NOL4: variants seen among roughly 807,000 people sequenced by gnomAD.
NOL4 encodes the protein cancer/testis antigen 125.
Under a neutral mutation model 75.9 loss-of-function variants are expected in NOL4, and 17 were observed. The ratio of observed to expected loss-of-function variants is 0.22; its 90% CI spans 0.15 to 0.34. The LOEUF (loss-of-function observed/expected upper bound fraction) is 0.34. Among genes scored for constraint, NOL4 ranks in the 10% least tolerant of loss-of-function variants. The pLI is 1.00. For missense variants in NOL4, 614 were observed against 793.5 expected (o/e 0.77, Z 2.72); for synonymous variants, 292 against 289.9 (o/e 1.01, Z -0.07).
intron 9 of NOL4, among the ~76,000 whole-genome samples, chr18:33,923,339 C>G (rs542730601): frequency 1.3e-5 from 2 of 151,818 alleles, no homozygotes; most frequent in Non-Finnish European, 2.9e-5. Flanking sequence ...GTGTTTTAAG[C>G]AGAATTATCA....
In NOL4 at chr18:33,851,601, A is replaced by G. The variant is rs1467537232; in HGVS notation, c.*1241T>C. The G allele has an allele frequency of 6.6e-6, 1 of 152,468 alleles. No individual in the cohort carries two copies. Among genetic ancestry groups the G allele is most frequent in the African/African-American group, 2.4e-5 (1 of 41,458 alleles). 9.4% of individuals were successfully genotyped at this position (152,468 alleles called of 1,614,324 possible). ...GAAAAAAGTTGTATAAGAAGCATGA[A>G]CTAAAGTACTTCTCCCTAAATATTT... On this transcript the variant is annotated 3_prime_UTR_variant, in exon 11 of 11. Coordinates refer to ENST00000261592, the MANE Select transcript of NOL4 (RefSeq NM_003787.5).
chr18:34,007,883 T>C (rs181741013), intron 6 of NOL4, among the ~76,000 whole-genome samples: 147 of 152,028 alleles, frequency 9.7e-4, no homozygotes, highest in African/African-American at 3.1e-3. Context: ...GGGTGCCGAG[T>C]TAATAAGTGG....
At chr18:34,019,249 T>C in intron 6 of NOL4, 69 bp downstream of exon 6, 1 of 1,271,686 alleles carries the variant, frequency 7.9e-7, no homozygotes, top group Non-Finnish European at 1.1e-6. Flanking sequence ...TTATCTGCTA[T>C]ATGCATAGGT....
At chr18:34,071,946 A>G (rs1342075813) in intron 5 of NOL4, among the ~76,000 whole-genome samples, 1 of 152,168 alleles carries the variant, frequency 6.6e-6, no homozygotes, top group African/African-American at 2.4e-5. Context: ...AGATAAAATG[A>G]AAGGGGCCAG....
rs553313348 is a variant in NOL4 at position 33,952,714 on chromosome 18, C to T, written c.1428+4612G>A. Among the ~76,000 whole-genome samples the T allele has an allele frequency of 4.5e-4, 68 of 152,316 alleles. 1 individual carries two copies. In the South Asian group the frequency reaches 9.7e-3, roughly 22 times the overall value. On this transcript the variant is annotated intron_variant, in intron 8 of 10. Transcript: ENST00000261592. ...CCAAGGCGGGTGGATCACCTGAGAT[C>T]GGGAGTTCAAGACCAGCCTGACCAA... is the stretch of plus-strand genomic sequence containing the variant.
intron 5 of NOL4, among the ~76,000 whole-genome samples, chr18:34,024,188 A>ATATATATATAT (rs1333196318): frequency 3.1e-5 from 2 of 64,586 alleles, no homozygotes; most frequent in Non-Finnish European, 7.1e-5. Flanking sequence ...CAGGAAAAAA[A>ATATATATATAT]AAAAAAATAT....
intron 1 of NOL4, among the ~76,000 whole-genome samples, chr18:34,194,655 TA>T (rs1183475819): frequency 6.6e-6 from 1 of 152,156 alleles, no homozygotes; most frequent in Non-Finnish European, 1.5e-5. Context: ...CAAGAGCTAT[TA>T]TGTTAGCTCT....
chr18:34,196,513 T>G (rs982969685), intron 1 of NOL4, among the ~76,000 whole-genome samples: 1 of 152,158 alleles, frequency 6.6e-6, no homozygotes, highest in Non-Finnish European at 1.5e-5. Flanking sequence ...GAAGTTGACA[T>G]TACTGAGCTA....
intron 1 of NOL4, among the ~76,000 whole-genome samples, chr18:34,174,115 A>G (rs1299441484): frequency 6.6e-6 from 1 of 152,206 alleles, no homozygotes; most frequent in African/African-American, 2.4e-5. Context: ...ATGACTGGCA[A>G]ACTGTCTTAC....
chr18:34,075,505 T>C (rs555861881), intron 5 of NOL4, among the ~76,000 whole-genome samples: 135 of 152,294 alleles, frequency 8.9e-4, no homozygotes, highest in Non-Finnish European at 1.7e-3. Flanking sequence ...TTTGGAATTT[T>C]CCACTTGTGG....
In NOL4 at chr18:34,221,430, T is replaced by C. The variant is rs2037292195; in HGVS notation, c.264+1560A>G. 3.9e-5 allele frequency: 6 copies of C among 152,330 alleles called. No individual in the cohort carries two copies. The South Asian group carries it at 1.0e-3, about 26-fold the overall frequency. The allele number at this position is 152,330 out of a possible 1,614,324, so 9.4% of individuals were successfully genotyped here. A position where few individuals can be genotyped will look rare whatever the true frequency, so the allele number is the denominator to read the frequency against. ...AGCACTTCATTCTGTATATCAGATT[T>C]CTGGCTCATCCAGATGTAAATAAAC... On this transcript the variant is annotated intron_variant, in intron 1 of 10. Transcript: ENST00000261592.
chr18:34,163,782 A>C (rs992713977), intron 1 of NOL4, among the ~76,000 whole-genome samples: 3 of 152,168 alleles, frequency 2.0e-5, no homozygotes, highest in African/African-American at 4.8e-5. Flanking sequence ...CGCATCGCCA[A>C]GTCAATCCTA....
chr18:33,872,930 G>A (rs1340710330), intron 10 of NOL4, among the ~76,000 whole-genome samples: 1 of 151,926 alleles, frequency 6.6e-6, no homozygotes, highest in Non-Finnish European at 1.5e-5. Context: ...CTGCACACTG[G>A]CAGAAAAAAT....
At chr18:33,972,255 A>G (rs2071126480) in intron 6 of NOL4, among the ~76,000 whole-genome samples, 1 of 152,126 alleles carries the variant, frequency 6.6e-6, no homozygotes, top group African/African-American at 2.4e-5. Context: ...GTAAATGTAT[A>G]AAAATGCCTG....
intron 5 of NOL4, among the ~76,000 whole-genome samples, chr18:34,034,842 GA>G (rs1156820871): frequency 2.0e-5 from 3 of 148,166 alleles, no homozygotes; most frequent in East Asian, 2.0e-4. Flanking sequence ...CACTAAAATG[GA>G]AAAAAAAAGG....
intron 5 of NOL4, chr18:34,048,454 T>C: frequency 1.0e-6 from 1 of 985,402 alleles, no homozygotes; most frequent in Non-Finnish European, 1.2e-6. Flanking sequence ...ATTCTGCTCT[T>C]CAACTTAAAT....
At chr18:34,023,620 G>A (rs1410850078) in intron 5 of NOL4, 1 of 323,378 alleles carries the variant, frequency 3.1e-6, no homozygotes, top group Non-Finnish European at 6.6e-6. Flanking sequence ...AACAGCACCT[G>A]GAGCTTTGGA....
chr18:33,969,758 C>A (rs201212680), intron 6 of NOL4, among the ~76,000 whole-genome samples: 55 of 140,894 alleles, frequency 3.9e-4, no homozygotes, highest in East Asian at 6.5e-4. Flanking sequence ...AGTGCTTGTC[C>A]AAAAAAAAAA....
intron 1 of NOL4, among the ~76,000 whole-genome samples, chr18:34,205,285 A>G (rs2036043397): frequency 6.6e-6 from 1 of 152,136 alleles, no homozygotes; most frequent in Non-Finnish European, 1.5e-5. Context: ...CAATTCTCTC[A>G]GTAGATAAAG....
Sources: gnomAD v4.1 joint callset for allele counts (sites outside exome capture counted in the v4.1 genomes callset) on GRCh38, gnomAD v4.1.1 for gene constraint, MANE v1.5 for transcripts, NCBI Gene and HGNC (gene_info 2026-07-23, HGNC 2026-07-21) for gene names.